Variants in ALK observed in about 807,000 individuals in gnomAD.
The protein encoded by ALK is ALK tyrosine kinase receptor.
A neutral mutation model predicts 163.1 loss-of-function variants in ALK; 74 were observed. The observed-to-expected ratio is 0.45, with a 90% CI of 0.38 to 0.55. The LOEUF is 0.55. ALK is among the 20% of genes least tolerant of loss of function. ALK has a pLI of 0.00. For synonymous variants in ALK, 960 were observed against 843.2 expected (o/e 1.14, Z -2.40); for missense variants, 2,063 against 2,105.3 (o/e 0.98, Z 0.39).
intron 3 of ALK, among the ~76,000 whole-genome samples, chr2:29,579,447 T>C (rs1674616275): frequency 6.6e-6 from 1 of 152,230 alleles, no homozygotes; most frequent in Non-Finnish European, 1.5e-5. Flanking sequence ...TTCAACAAAA[T>C]GAAATTCTTA....
At chr2:29,562,609 T>C (rs4510174) in intron 3 of ALK, among the ~76,000 whole-genome samples, 17,965 of 152,076 alleles carry the variant, frequency 0.12, 1,393 homozygotes, top group Non-Finnish European at 0.18. Context: ...AGCAGAACAA[T>C]TGGAAAGAAG....
intron 1 of ALK, among the ~76,000 whole-genome samples, chr2:29,860,759 T>C (rs1226414385): frequency 3.3e-5 from 5 of 152,100 alleles, no homozygotes; most frequent in African/African-American, 4.8e-5. Context: ...ATGCACAACA[T>C]GCTCCTGAAC....
chr2:29,225,405 C>CAA, intron 19 of ALK, 56 bp downstream of exon 19: 1 of 1,441,172 alleles, frequency 6.9e-7, no homozygotes, highest in East Asian at 2.3e-5. Flanking sequence ...GCCTGAGACA[C>CAA]TATTCAGTCC....
At chr2:29,903,148 T>C (rs1483293123) in intron 1 of ALK, among the ~76,000 whole-genome samples, 1 of 152,178 alleles carries the variant, frequency 6.6e-6, no homozygotes, top group Non-Finnish European at 1.5e-5. Context: ...TTGTAATTAT[T>C]GCCTGTTACC....
chr2:29,381,512 G>C (rs766536288), intron 5 of ALK, among the ~76,000 whole-genome samples: 1 of 152,180 alleles, frequency 6.6e-6, no homozygotes, highest in Non-Finnish European at 1.5e-5. Context: ...AAAATGGCAC[G>C]TCTCTGCTGT....
intron 1 of ALK, among the ~76,000 whole-genome samples, chr2:29,795,185 C>T (rs982414468): frequency 6.6e-6 from 1 of 152,132 alleles, no homozygotes; most frequent in Non-Finnish European, 1.5e-5. Context: ...CAGACACACA[C>T]ACACACACAC....
At chr2:29,611,088 G>A (rs1202731672) in intron 3 of ALK, among the ~76,000 whole-genome samples, 16 of 152,172 alleles carry the variant, frequency 1.1e-4, no homozygotes, top group Non-Finnish European at 1.5e-5. Context: ...ACAGGCATGG[G>A]AATGTTGCCC....
chr2:29,402,091 G>T (rs1239869368), intron 4 of ALK, among the ~76,000 whole-genome samples: 1 of 152,232 alleles, frequency 6.6e-6, no homozygotes, highest in Non-Finnish European at 1.5e-5. Flanking sequence ...AGGAAGGGAA[G>T]GCAGACTTTG....
At chr2:29,604,781 C>T (rs919510959) in intron 3 of ALK, among the ~76,000 whole-genome samples, 1 of 152,192 alleles carries the variant, frequency 6.6e-6, no homozygotes, top group Non-Finnish European at 1.5e-5. Context: ...ATCTCTGACA[C>T]AGGAACAAAG....
chr2:29,253,733 C>G (rs1262166530), intron 11 of ALK, among the ~76,000 whole-genome samples: 4 of 152,108 alleles, frequency 2.6e-5, no homozygotes, highest in Non-Finnish European at 5.9e-5. Context: ...CCAGGCTTTC[C>G]TTACAGCAAG....
intron 8 of ALK, among the ~76,000 whole-genome samples, chr2:29,309,649 G>C (rs377137414): frequency 6.6e-6 from 1 of 150,576 alleles, no homozygotes; most frequent in African/African-American, 2.4e-5. Context: ...AGCTCAGGAA[G>C]GTGTCATTTG....
intron 1 of ALK, among the ~76,000 whole-genome samples, chr2:29,852,217 T>C (rs556362676): frequency 5.7e-4 from 87 of 152,298 alleles, no homozygotes; most frequent in Middle Eastern, 3.4e-3. Context: ...GGTGATGGAC[T>C]AATAAAGCTT....
chr2:29,233,825 G>A lies in ALK; in HGVS notation c.2356-129C>T, dbSNP rs1331714198. 3.4e-5 allele frequency: 41 copies of A among 1,216,492 alleles called. No individual in the cohort carries two copies. The South Asian group carries it at 4.6e-4, about 14-fold the overall frequency. 75.4% of individuals were successfully genotyped at this position (1,216,492 alleles called of 1,614,324 possible). On this transcript the variant is annotated intron_variant, in intron 13 of 28. Transcript: ENST00000389048. ...AAAAACTTACAGTTGAGTTGAGGAG[G>A]CAGAAAAATATACCAATAACTGTCA...
At chr2:29,798,275 T>A (rs1664374500) in intron 1 of ALK, among the ~76,000 whole-genome samples, 1 of 152,222 alleles carries the variant, frequency 6.6e-6, no homozygotes, top group Non-Finnish European at 1.5e-5. Context: ...TAAATTGGTA[T>A]CATCACCAGC....
At chr2:29,719,974 C>G (rs535142457) in intron 1 of ALK, among the ~76,000 whole-genome samples, 1 of 152,270 alleles carries the variant, frequency 6.6e-6, no homozygotes, top group South Asian at 2.1e-4. Flanking sequence ...TGGCTAATCT[C>G]AAATTTTAAG....
chr2:29,310,826 T>C (rs1666675014), intron 8 of ALK, among the ~76,000 whole-genome samples: 1 of 152,174 alleles, frequency 6.6e-6, no homozygotes, highest in Non-Finnish European at 1.5e-5. Flanking sequence ...TTTTATCCAC[T>C]CACAGGGTAG....
chr2:29,837,019 C>A (rs1665579527), intron 1 of ALK, among the ~76,000 whole-genome samples: 2 of 152,310 alleles, frequency 1.3e-5, no homozygotes, highest in South Asian at 4.1e-4. Context: ...GGACTGTAAT[C>A]CCTGATCCCA....
intron 1 of ALK, among the ~76,000 whole-genome samples, chr2:29,918,098 T>C (rs1172367346): frequency 6.6e-6 from 1 of 152,200 alleles, no homozygotes; most frequent in East Asian, 1.9e-4. Flanking sequence ...AGTATATTCT[T>C]TAAATGAATT....
chr2:29,216,669 GTATGTGTTGTGTA>G (rs770057111), intron 23 of ALK, among the ~76,000 whole-genome samples: 2 of 51,606 alleles, frequency 3.9e-5, no homozygotes, highest in Non-Finnish European at 1.2e-4. Flanking sequence ...TGTGTTTTGT[GTATGTGTTGTGTA>G]TATGTGGGGT....
Sources: allele counts gnomAD v4.1 joint callset (sites outside exome capture counted in the v4.1 genomes callset), GRCh38; gene constraint gnomAD v4.1.1; transcripts MANE v1.5; gene names NCBI Gene and HGNC (gene_info 2026-07-23, HGNC 2026-07-21).